The following CACNA1C variants were observed in gnomAD, a reference collection of about 807,000 sequenced individuals.
CACNA1C encodes calcium voltage-gated channel subunit alpha1 C.
CACNA1C carries 30 observed loss-of-function variants against 229.0 expected under a neutral mutation model. The ratio of observed to expected loss-of-function variants is 0.13; its 90% confidence interval spans 0.10 to 0.18. The LOEUF is 0.18. CACNA1C is among the 10% of genes least tolerant of loss of function. The pLI is 1.00. For missense variants in CACNA1C, 1,658 were observed against 2,845.0 expected (o/e 0.58, Z 9.49); for synonymous variants, 1,114 against 1,132.5 (o/e 0.98, Z 0.33).
chr12:2,431,051 G>T (rs976249307), intron 3 of CACNA1C, among the ~76,000 whole-genome samples: 8 of 152,172 alleles, frequency 5.3e-5, no homozygotes, highest in Admixed American at 3.9e-4. Flanking sequence ...GTGGCCATGG[G>T]CAGGGTGATA....
At chr12:2,079,974 GT>G (rs1318824564) in intron 1 of CACNA1C, among the ~76,000 whole-genome samples, 1 of 152,184 alleles carries the variant, frequency 6.6e-6, no homozygotes, top group Non-Finnish European at 1.5e-5. Context: ...AAATAACCTT[GT>G]TTAGGCTGGG....
Position 2,215,974 on chromosome 12 carries a change from G to C in CACNA1C, c.477+95544G>C, listed in dbSNP as rs1566455932. On this transcript the variant is annotated intron_variant, in intron 3 of 46. Coordinates refer to ENST00000399655, the MANE Select transcript of CACNA1C (RefSeq NM_000719.7). This position sits in a 1 kb window ranked among gnomAD's most constrained non-coding sequence, Gnocchi z 5.0. Reference sequence around the variant, plus strand: ...CACCATGCCGCCCATCAGTTGACATGCTCTGTTGTCAAGAACACAAGAACC... The same window carrying C: ...CACCATGCCGCCCATCAGTTGACATCCTCTGTTGTCAAGAACACAAGAACC... 6.6e-6 allele frequency among the ~76,000 whole-genome samples: 1 copy of C among 152,238 alleles called. No homozygotes were observed. The highest frequency in any genetic ancestry group is 1.5e-5 in the Non-Finnish European group (1 of 68,032).
intron 5 of CACNA1C, among the ~76,000 whole-genome samples, chr12:2,485,555 T>A (rs957169830): frequency 2.0e-4 from 30 of 152,312 alleles, no homozygotes; most frequent in African/African-American, 6.5e-4. Flanking sequence ...GAGTTTCTTT[T>A]CTTGTGGTAA....
rs568998907 is a variant in CACNA1C, at chr12:2,547,857, A to AT, written c.1391-2083dup. ...TGGAACCAGCACAGGCAGTGCCTTG[A>AT]TTTAGAAGGTGCTGTCGTTATTTCC... On this transcript the variant is annotated intron_variant, in intron 9 of 46. Transcript: ENST00000399655. Among the ~76,000 whole-genome samples, 3 of 152,248 alleles carry AT rather than the reference A, an allele frequency of 2.0e-5. No homozygotes were observed. The South Asian group carries it at 6.2e-4, about 32-fold the overall frequency.
At chr12:2,565,191 G>A (rs535322479) in intron 11 of CACNA1C, among the ~76,000 whole-genome samples, 45 of 152,276 alleles carry the variant, frequency 3.0e-4, no homozygotes, top group South Asian at 1.7e-3. Flanking sequence ...AACCCCGGCC[G>A]GGCGCGGTGG....
At chr12:1,997,640 T>C (rs2041252742) in intron 1 of CACNA1C, among the ~76,000 whole-genome samples, 1 of 152,262 alleles carries the variant, frequency 6.6e-6, no homozygotes, top group African/African-American at 2.4e-5. Context: ...AAGAACTTTG[T>C]GCCATTCACT....
chr12:2,236,021 T>C lies in CACNA1C; in HGVS notation c.477+115591T>C, dbSNP rs145329394. On this transcript the variant is annotated intron_variant, in intron 3 of 46. Transcript: ENST00000399655. The stretch of plus-strand genomic sequence containing the variant: ...ATTGAAAGGTTAATAATTTTGCTTA[T>C]GGACATTTGCTTCTGGAGCTGGACC... Among the ~76,000 whole-genome samples, 522 of 152,380 alleles carry C rather than the reference T, an allele frequency of 3.4e-3. 1 individual carries two copies. Among genetic ancestry groups the C allele is most frequent in the African/African-American group, 0.012 (482 of 41,586 alleles).
chr12:2,572,475 T>TC (rs2055842935), intron 13 of CACNA1C, among the ~76,000 whole-genome samples: 3 of 5,352 alleles, frequency 5.6e-4, no homozygotes, highest in African/African-American at 5.4e-4. Context: ...TCTTCCTCCT[T>TC]CTCCTCTTCC....
Position 2,582,090 on chromosome 12 carries a change from T to C in CACNA1C, c.2103+293T>C, listed in dbSNP as rs12303681. The stretch of plus-strand genomic sequence containing the variant: ...GGCAGAGGTTGCAGTGAGCCAAGAT[T>C]GCACCACTGCACACTCTAGCCTAGG... On this transcript the variant is annotated intron_variant, in intron 14 of 46. Transcript: ENST00000399655. 0.071 allele frequency among the ~76,000 whole-genome samples: 10,732 copies of C among 151,584 alleles called. 1,260 individuals are homozygous for C. The highest frequency in any genetic ancestry group is 0.24 in the African/African-American group (10,027 of 41,190).
At chr12:2,594,612 T>C (rs1341422053) in intron 19 of CACNA1C, among the ~76,000 whole-genome samples, 1 of 152,262 alleles carries the variant, frequency 6.6e-6, no homozygotes, top group Non-Finnish European at 1.5e-5. Context: ...TTTATTTCAT[T>C]AAATATTTCA....
intron 1 of CACNA1C, among the ~76,000 whole-genome samples, chr12:1,995,702 G>A (rs1371304080): frequency 6.6e-6 from 1 of 152,206 alleles, no homozygotes; most frequent in Non-Finnish European, 1.5e-5. Flanking sequence ...GCCTCTCTGT[G>A]CTGTTCTAGT....
At chr12:2,087,778 C>T (rs1282350666) in intron 1 of CACNA1C, among the ~76,000 whole-genome samples, 1 of 152,112 alleles carries the variant, frequency 6.6e-6, no homozygotes, top group Non-Finnish European at 1.5e-5. Flanking sequence ...AGCTCAAAAT[C>T]TCTTCTTCTG....
intron 1 of CACNA1C, chr12:1,991,283 T>C (rs1198024976): frequency 8.8e-6 from 4 of 454,448 alleles, no homozygotes; most frequent in South Asian, 1.6e-5. Context: ...CTCCACAAAA[T>C]TGTGATTATT....
At chr12:2,431,180 G>A (rs1596057300) in intron 3 of CACNA1C, among the ~76,000 whole-genome samples, 1 of 152,214 alleles carries the variant, frequency 6.6e-6, no homozygotes, top group Admixed American at 6.5e-5. Context: ...AGATCCCCAG[G>A]TCCTCCCCAG....
chr12:2,604,377 C>T (rs553837926), intron 22 of CACNA1C, among the ~76,000 whole-genome samples: 1 of 152,260 alleles, frequency 6.6e-6, no homozygotes, highest in East Asian at 1.9e-4. Context: ...GAAGCCCATC[C>T]TTCCTTGGAG....
Position 1,990,261 on chromosome 12 carries a change from T to C in CACNA1C, c.139+19060T>C, listed in dbSNP as rs140172959. ...CCTGAACATAGTGTTTGGCAGACAG[T>C]AAATGTTTGTTGAATAAATGAATGA... On this transcript the variant is annotated intron_variant, in intron 1 of 46. Coordinates refer to the CACNA1C transcript ENST00000682462. Among the ~76,000 whole-genome samples the C allele has an allele frequency of 2.6e-5, 4 of 152,342 alleles. 1 individual carries two copies. Among genetic ancestry groups the C allele is most frequent in the African/African-American group, 4.8e-5 (2 of 41,566 alleles).
chr12:2,253,854 A>G (rs1387388228), intron 3 of CACNA1C, among the ~76,000 whole-genome samples: 1 of 152,218 alleles, frequency 6.6e-6, no homozygotes, highest in Non-Finnish European at 1.5e-5. Context: ...AACCTTTAAT[A>G]CATGATGTGA....
chr12:2,345,961 C>A (rs950729257), intron 3 of CACNA1C, among the ~76,000 whole-genome samples: 1 of 152,232 alleles, frequency 6.6e-6, no homozygotes, highest in Non-Finnish European at 1.5e-5. Context: ...TGCCTGGCTA[C>A]ATGAAACCCC....
At chr12:2,650,337 C>T (rs186829368) in intron 31 of CACNA1C, among the ~76,000 whole-genome samples, 164 of 152,240 alleles carry the variant, frequency 1.1e-3, no homozygotes, top group African/African-American at 3.4e-3. Flanking sequence ...AGGGCTTTAG[C>T]GCTGGATATT....
Sources: allele counts gnomAD v4.1 joint callset (sites outside exome capture counted in the v4.1 genomes callset), GRCh38; gene constraint gnomAD v4.1.1; non-coding constraint Gnocchi (gnomAD v3.1); transcripts MANE v1.5; gene names NCBI Gene and HGNC (gene_info 2026-07-23, HGNC 2026-07-21).